MMP26: variants seen among roughly 807,000 people sequenced by gnomAD.
The protein encoded by MMP26 is matrix metallopeptidase 26, also known as matrix metalloproteinase-26.
MMP26 carries 33 observed loss-of-function variants against 31.0 expected under a neutral mutation model. The observed-to-expected ratio is 1.06, with a 90% CI of 0.81 to 1.42. The LOEUF (loss-of-function observed/expected upper bound fraction) is 1.42, where lower values mean the gene tolerates loss of function less well. Among genes scored for constraint, MMP26 ranks in the 40% most tolerant of loss-of-function variants. MMP26 has a pLI of 0.00. For synonymous variants in MMP26, 122 were observed against 114.9 expected (o/e 1.06, Z -0.40); for missense variants, 347 against 316.1 (o/e 1.10, Z -0.74).
At chr11:4,935,458 A>G (rs751412851) in intron 2 of MMP26, among the ~76,000 whole-genome samples, 1,707 of 149,492 alleles carry the variant, frequency 0.011, 9 homozygotes, top group Middle Eastern at 0.021. Flanking sequence ...GTTGCTTATC[A>G]GCTTAAGGAG....
intron 2 of MMP26, among the ~76,000 whole-genome samples, chr11:4,826,307 G>C (rs563577304): frequency 6.6e-6 from 1 of 152,236 alleles, no homozygotes; most frequent in East Asian, 1.9e-4. Context: ...TGTACCTGGG[G>C]TGGCTCCAGC....
At chr11:4,955,773 C>T in intron 2 of MMP26, 1 of 1,492,928 alleles carries the variant, frequency 6.7e-7, no homozygotes, top group East Asian at 2.3e-5. Flanking sequence ...AGGTGATCCG[C>T]TTGCTTGTGT....
chr11:4,921,663 C>T (rs938397773), intron 2 of MMP26, among the ~76,000 whole-genome samples: 8 of 152,156 alleles, frequency 5.3e-5, no homozygotes, highest in South Asian at 2.1e-4. Flanking sequence ...TATGAATCTA[C>T]ATATTTAAAA....
intron 2 of MMP26, among the ~76,000 whole-genome samples, chr11:4,871,423 T>C (rs2133526622): frequency 6.6e-6 from 1 of 152,252 alleles, no homozygotes; most frequent in Non-Finnish European, 1.5e-5. Flanking sequence ...CACTAGGGTT[T>C]AATCGTATTT....
intron 2 of MMP26, among the ~76,000 whole-genome samples, chr11:4,901,892 AT>A (rs1589933573): frequency 6.6e-6 from 1 of 152,200 alleles, no homozygotes; most frequent in East Asian, 1.9e-4. Context: ...GAAAATAAGT[AT>A]TTTCAAATTA....
chr11:4,713,246 A>C (rs941291047), intron 1 of MMP26, among the ~76,000 whole-genome samples: 1 of 152,146 alleles, frequency 6.6e-6, no homozygotes, highest in Non-Finnish European at 1.5e-5. Context: ...ACTAAGTTCC[A>C]TGCTGTGTTA....
At chr11:4,941,332 C>A (rs985245831) in intron 2 of MMP26, among the ~76,000 whole-genome samples, 1 of 152,118 alleles carries the variant, frequency 6.6e-6, no homozygotes, top group African/African-American at 2.4e-5. Flanking sequence ...TACTAGAATG[C>A]ACTTATAATC....
At chr11:4,825,973 T>C (rs1849573489) in intron 2 of MMP26, among the ~76,000 whole-genome samples, 1 of 151,970 alleles carries the variant, frequency 6.6e-6, no homozygotes, top group African/African-American at 2.4e-5. Context: ...GCTAAAATAG[T>C]GGAGAAATTA....
intron 1 of MMP26, among the ~76,000 whole-genome samples, chr11:4,754,716 C>T (rs11033713): frequency 0.067 from 10,207 of 151,984 alleles, 626 homozygotes; most frequent in African/African-American, 0.16. Flanking sequence ...AACATGTTGT[C>T]TATTTCTGTA....
chr11:4,735,831 A>G (rs916038521), intron 1 of MMP26, among the ~76,000 whole-genome samples: 3 of 152,182 alleles, frequency 2.0e-5, no homozygotes, highest in African/African-American at 7.2e-5. Flanking sequence ...ATCAAATAGA[A>G]CAGAATATAT....
At chr11:4,848,894 G>A in intron 2 of MMP26, 1 of 1,614,150 alleles carries the variant, frequency 6.2e-7, no homozygotes, top group Non-Finnish European at 8.5e-7. Flanking sequence ...TCTGTAGAAG[G>A]CAGGCTGAGG....
At chr11:4,722,631 T>G in intron 1 of MMP26, 1 of 629,838 alleles carries the variant, frequency 1.6e-6, no homozygotes, top group South Asian at 1.9e-5. Flanking sequence ...GGGCTGAGCC[T>G]CAGGTGGGTC....
At chr11:4,820,041 C>T (rs769672403) in intron 2 of MMP26, among the ~76,000 whole-genome samples, 9 of 152,150 alleles carry the variant, frequency 5.9e-5, no homozygotes, top group Non-Finnish European at 1.2e-4. Flanking sequence ...ATGGAATTAA[C>T]ATTTGACACA....
intron 3 of MMP26, 68 bp downstream of exon 3, chr11:4,988,378 T>C (rs1393977642): frequency 8.6e-7 from 1 of 1,168,056 alleles, no homozygotes; most frequent in East Asian, 2.3e-5. Flanking sequence ...CGTGTGTGTG[T>C]GTATGTGTGA....
intron 1 of MMP26, among the ~76,000 whole-genome samples, chr11:4,727,764 G>A (rs531744039): frequency 5.8e-4 from 88 of 152,182 alleles, no homozygotes; most frequent in African/African-American, 1.8e-3. Flanking sequence ...AGCTGAGATC[G>A]TGCCATTGCA....
intron 2 of MMP26, among the ~76,000 whole-genome samples, chr11:4,820,682 T>C (rs997942955): frequency 6.6e-6 from 1 of 152,066 alleles, no homozygotes; most frequent in African/African-American, 2.4e-5. Flanking sequence ...TTCTCCAACT[T>C]TCTTACTTTT....
chr11:4,972,938 C>T (rs1846684699), intron 2 of MMP26: 1 of 152,212 alleles, frequency 6.6e-6, no homozygotes, highest in African/African-American at 2.4e-5. Flanking sequence ...GGTTAAGCAT[C>T]CGCTTCAGCT....
intron 2 of MMP26, chr11:4,882,271 C>T (rs770183579): frequency 1.2e-6 from 2 of 1,613,962 alleles, no homozygotes; most frequent in South Asian, 1.1e-5. Flanking sequence ...CCTTTGACCG[C>T]TTCGTGGCTA....
chr11:4,741,591 T>C lies in MMP26; in HGVS notation c.-216-25679T>C, dbSNP rs914690160. Among the ~76,000 whole-genome samples, 3 of 126,794 alleles carry C rather than the reference T, an allele frequency of 2.4e-5. No individual in the cohort carries two copies. The Admixed American group carries it at 3.1e-4, about 13-fold the overall frequency. 83.2% of individuals were successfully genotyped at this position (126,794 alleles called of 152,430 possible). A position where few individuals can be genotyped will look rare whatever the true frequency, so the allele number is the denominator to read the frequency against. The stretch of plus-strand genomic sequence containing the variant: ...CATGTTCTCGCTCATAAGTGGGAGT[T>C]GAACAATGAGAACACATGGACACAG... On this transcript the variant is annotated intron_variant, in intron 1 of 7. Transcript: ENST00000380390.
Sources: allele counts gnomAD v4.1 joint callset (sites outside exome capture counted in the v4.1 genomes callset), GRCh38; gene constraint gnomAD v4.1.1; transcripts MANE v1.5; gene names NCBI Gene and HGNC (gene_info 2026-07-23, HGNC 2026-07-21).